The following PKIA variants were observed in gnomAD, a reference collection of about 807,000 sequenced individuals.
PKIA encodes the protein cAMP-dependent protein kinase inhibitor alpha.
In PKIA, 4 loss-of-function variants were observed where a neutral mutation model predicts 7.6. The observed-to-expected ratio is 0.52, with a 90% confidence interval of 0.26 to 1.20. The LOEUF is 1.20. PKIA is among the 50% of genes most tolerant of loss of function. PKIA has a pLI of 0.13. For synonymous variants in PKIA, 21 were observed against 30.7 expected (o/e 0.68, Z 1.04); for missense variants, 73 against 86.2 (o/e 0.85, Z 0.61).
At chr8:78,531,309 G>A (rs1480592141) in intron 1 of PKIA, among the ~76,000 whole-genome samples, 3 of 152,008 alleles carry the variant, frequency 2.0e-5, no homozygotes, top group Non-Finnish European at 2.9e-5. Flanking sequence ...ATTGACAACC[G>A]ATAATGCCAG....
At chr8:78,536,151 G>A (rs1157649194) in intron 1 of PKIA, among the ~76,000 whole-genome samples, 1 of 152,000 alleles carries the variant, frequency 6.6e-6, no homozygotes, top group South Asian at 2.1e-4. Context: ...GACTGGTGGG[G>A]TATGACCTGT....
intron 1 of PKIA, among the ~76,000 whole-genome samples, chr8:78,530,002 GT>G (rs1806354705): frequency 6.6e-6 from 1 of 151,900 alleles, no homozygotes; most frequent in Non-Finnish European, 1.5e-5. Flanking sequence ...TGGTTGAAAT[GT>G]TCACTTTTTA....
chr8:78,547,429 A>G (rs1421320140), intron 1 of PKIA, among the ~76,000 whole-genome samples: 1 of 152,142 alleles, frequency 6.6e-6, no homozygotes, highest in African/African-American at 2.4e-5. Context: ...AATGTTGCAC[A>G]CAAATAGCCA....
At chr8:78,555,872 G>A (rs1391551258) in intron 1 of PKIA, among the ~76,000 whole-genome samples, 1 of 151,948 alleles carries the variant, frequency 6.6e-6, no homozygotes, top group Non-Finnish European at 1.5e-5. Context: ...ATATTTGAGG[G>A]ACAAATCAAT....
intron 1 of PKIA, among the ~76,000 whole-genome samples, chr8:78,560,350 A>G (rs1807256924): frequency 6.6e-6 from 1 of 152,188 alleles, no homozygotes; most frequent in Non-Finnish European, 1.5e-5. Flanking sequence ...CTTTTTCCCC[A>G]CCAGAACAAA....
intron 1 of PKIA, among the ~76,000 whole-genome samples, chr8:78,560,774 C>T (rs1585899610): frequency 6.6e-6 from 1 of 152,110 alleles, no homozygotes; most frequent in Non-Finnish European, 1.5e-5. Flanking sequence ...TGGGCATGTC[C>T]TAACAGGATA....
At chr8:78,544,119 A>G (rs1415800085) in intron 1 of PKIA, among the ~76,000 whole-genome samples, 1 of 152,204 alleles carries the variant, frequency 6.6e-6, no homozygotes, top group Non-Finnish European at 1.5e-5. Flanking sequence ...TTATTAAATG[A>G]CACTTAAGGA....
intron 1 of PKIA, among the ~76,000 whole-genome samples, chr8:78,556,803 AAC>A (rs1394002080): frequency 6.6e-6 from 1 of 152,154 alleles, no homozygotes; most frequent in Non-Finnish European, 1.5e-5. Context: ...TTATATTGGT[AAC>A]ATTTAAATTT....
intron 1 of PKIA, among the ~76,000 whole-genome samples, chr8:78,527,926 T>C (rs779210473): frequency 1.6e-4 from 24 of 152,276 alleles, no homozygotes; most frequent in Admixed American, 7.2e-4. Context: ...CACAAAGTTC[T>C]AACTTGGAAG....
At chr8:78,565,056 C>T (rs1478317111) in intron 1 of PKIA, among the ~76,000 whole-genome samples, 1 of 151,616 alleles carries the variant, frequency 6.6e-6, no homozygotes, top group Non-Finnish European at 1.5e-5. Flanking sequence ...TTTAAAGACT[C>T]TCTGATTATT....
At chr8:78,555,773 C>G (rs575580006) in intron 1 of PKIA, among the ~76,000 whole-genome samples, 2 of 151,818 alleles carry the variant, frequency 1.3e-5, no homozygotes, top group Non-Finnish European at 2.9e-5. Context: ...AGAAACCACT[C>G]TAGAAAAAGA....
chr8:78,577,881 T>C (rs1161902781), intron 2 of PKIA, among the ~76,000 whole-genome samples: 9 of 151,990 alleles, frequency 5.9e-5, no homozygotes, highest in Non-Finnish European at 1.5e-5. Flanking sequence ...TAAATAAAGT[T>C]TTGATTGTTT....
rs188653177 is a variant in PKIA, at chr8:78,560,077, T to C, written c.-156-12734T>C. Among the ~76,000 whole-genome samples the C allele has an allele frequency of 7.2e-5, 11 of 152,330 alleles. No individual in the cohort carries two copies. In the East Asian group the frequency reaches 2.1e-3, roughly 29 times the overall value. On this transcript the variant is annotated intron_variant, in intron 1 of 3. Coordinates refer to ENST00000396418, the MANE Select transcript of PKIA (RefSeq NM_006823.4). ...ATTTATCATGTTTGCAAGCCTTTTG[T>C]TAAAAATAGCTGGTACACAAATCAT... is the stretch of plus-strand genomic sequence containing the variant.
chr8:78,540,041 A>G (rs538297708), intron 1 of PKIA, among the ~76,000 whole-genome samples: 1 of 151,626 alleles, frequency 6.6e-6, no homozygotes, highest in Non-Finnish European at 1.5e-5. Flanking sequence ...TGGCAAGTTC[A>G]TTTTCTTCTT....
intron 2 of PKIA, among the ~76,000 whole-genome samples, chr8:78,595,752 A>G (rs552815690): frequency 2.6e-5 from 4 of 152,314 alleles, no homozygotes; most frequent in African/African-American, 7.2e-5. Flanking sequence ...CGTTGCTGCA[A>G]CAGACATGAT....
chr8:78,601,896 A>G lies in PKIA; in HGVS notation c.*75A>G. The G allele has an allele frequency of 2.6e-6, 3 of 1,166,218 alleles. No individual in the cohort carries two copies. The highest frequency in any genetic ancestry group is 2.5e-6 in the Non-Finnish European group (2 of 789,352). 72.2% of individuals were successfully genotyped at this position (1,166,218 alleles called of 1,614,324 possible). ...GAGTATCTGGAATGCATTTGTTTCCATGAGTGAAAAGAGGAAAAAGAAAAT... is the reference window on the plus strand; with the variant it reads ...GAGTATCTGGAATGCATTTGTTTCCGTGAGTGAAAAGAGGAAAAAGAAAAT... On this transcript the variant is annotated 3_prime_UTR_variant, in exon 4 of 4. Coordinates refer to ENST00000396418, the MANE Select transcript of PKIA (RefSeq NM_006823.4).
chr8:78,518,723 G>A (rs572944716), intron 1 of PKIA, among the ~76,000 whole-genome samples: 1 of 152,262 alleles, frequency 6.6e-6, no homozygotes, highest in South Asian at 2.1e-4. Context: ...TGCTGCCTAA[G>A]GTGGAATAAT....
At chr8:78,525,276 ACTT>A (rs147660962) in intron 1 of PKIA, among the ~76,000 whole-genome samples, 5,506 of 151,998 alleles carry the variant, frequency 0.036, 151 homozygotes, top group South Asian at 0.07. Context: ...ATTAGTCAGC[ACTT>A]CTTTTGTCTG....
At chr8:78,534,043 A>C (rs1252685181) in intron 1 of PKIA, 1 of 152,154 alleles carries the variant, frequency 6.6e-6, no homozygotes, top group Non-Finnish European at 1.5e-5. Context: ...ACCAAGCCAC[A>C]AACTCAAATA....
Sources: allele counts gnomAD v4.1 joint callset (sites outside exome capture counted in the v4.1 genomes callset), GRCh38; gene constraint gnomAD v4.1.1; transcripts MANE v1.5; gene names NCBI Gene and HGNC (gene_info 2026-07-23, HGNC 2026-07-21).